Variants in SAMSN1 observed in about 807,000 individuals in gnomAD.
The protein encoded by SAMSN1 is SAM domain, SH3 domain and nuclear localization signals 1.
In SAMSN1, 31 loss-of-function variants were observed where a neutral mutation model predicts 42.0. That is an observed-to-expected ratio of 0.74 (90% CI 0.55 to 1.00). The LOEUF is 1.00. Among genes scored for constraint, SAMSN1 ranks in the 50% least tolerant of loss-of-function variants. The pLI, the probability that SAMSN1 is intolerant of heterozygous loss-of-function variation, is 0.00. For synonymous variants in SAMSN1, 178 were observed against 151.9 expected (o/e 1.17, Z -1.26); for missense variants, 464 against 439.4 (o/e 1.06, Z -0.50).
intron 2 of SAMSN1, among the ~76,000 whole-genome samples, chr21:14,563,660 G>A (rs1013847162): frequency 1.1e-4 from 17 of 152,114 alleles, no homozygotes; most frequent in African/African-American, 4.1e-4. Flanking sequence ...CAGTAACTAA[G>A]CCCTGGGTAC....
intron 5 of SAMSN1, among the ~76,000 whole-genome samples, chr21:14,508,636 A>T (rs1175714994): frequency 6.6e-6 from 1 of 152,228 alleles, no homozygotes; most frequent in Non-Finnish European, 1.5e-5. Flanking sequence ...ACCACTATGG[A>T]AAACAGTGTG....
At chr21:14,628,092 C>A (rs1983230822) in intron 2 of SAMSN1, among the ~76,000 whole-genome samples, 1 of 152,012 alleles carries the variant, frequency 6.6e-6, no homozygotes, top group Non-Finnish European at 1.5e-5. Flanking sequence ...TTAAAAATAT[C>A]AATTAAAACA....
At chr21:14,534,662 C>A (rs748228189) in intron 1 of SAMSN1, among the ~76,000 whole-genome samples, 1 of 152,002 alleles carries the variant, frequency 6.6e-6, no homozygotes, top group Admixed American at 6.6e-5. Context: ...ATTACAGGTG[C>A]CCGCCACCAG....
chr21:14,532,888 T>G (rs191289730), intron 1 of SAMSN1, among the ~76,000 whole-genome samples: 34 of 151,700 alleles, frequency 2.2e-4, no homozygotes, highest in African/African-American at 8.0e-4. Context: ...ATATTTAATA[T>G]TTTATTACTT....
chr21:14,492,190 A>T (rs1986720168), intron 7 of SAMSN1, among the ~76,000 whole-genome samples: 1 of 152,200 alleles, frequency 6.6e-6, no homozygotes, highest in East Asian at 1.9e-4. Flanking sequence ...CTGGATACAA[A>T]AGTGTGCATA....
chr21:14,540,305 A>G (rs553419592), intron 1 of SAMSN1, among the ~76,000 whole-genome samples: 5 of 152,346 alleles, frequency 3.3e-5, no homozygotes, highest in Non-Finnish European at 7.3e-5. Flanking sequence ...ATCTAATTGA[A>G]CTAAAGAGCT....
At chr21:14,496,435 T>G (rs1375217580) in intron 7 of SAMSN1, 1 of 152,182 alleles carries the variant, frequency 6.6e-6, no homozygotes, top group East Asian at 1.9e-4. Flanking sequence ...CATTTACAAG[T>G]GTTCAAAAAA....
intron 5 of SAMSN1, among the ~76,000 whole-genome samples, chr21:14,604,905 A>C (rs74713515): frequency 0.026 from 3,987 of 152,332 alleles, 107 homozygotes; most frequent in South Asian, 0.081. Flanking sequence ...AGTTCCCCAA[A>C]TGAATTACTG....
At chr21:14,558,395 C>T (rs915113875) in intron 2 of SAMSN1, among the ~76,000 whole-genome samples, 1 of 151,972 alleles carries the variant, frequency 6.6e-6, no homozygotes, top group African/African-American at 2.4e-5. Flanking sequence ...AAAACACTTT[C>T]AGCTGGGCGC....
At chr21:14,561,047 G>C (rs913094018) in intron 2 of SAMSN1, among the ~76,000 whole-genome samples, 1 of 152,050 alleles carries the variant, frequency 6.6e-6, no homozygotes, top group Non-Finnish European at 1.5e-5. Context: ...ACTGCTCAGG[G>C]GTCATGTAGC....
chr21:14,543,873 G>C (rs1403013058), intron 1 of SAMSN1, among the ~76,000 whole-genome samples: 3 of 152,108 alleles, frequency 2.0e-5, no homozygotes, highest in Non-Finnish European at 4.4e-5. Flanking sequence ...CTAATATCTG[G>C]TATGTAGTTA....
At chr21:14,490,787 T>C (rs963653238) in intron 7 of SAMSN1, among the ~76,000 whole-genome samples, 1 of 152,304 alleles carries the variant, frequency 6.6e-6, no homozygotes, top group African/African-American at 2.4e-5. Context: ...TCCTCTTGCA[T>C]ATCTCTTTTT....
chr21:14,510,131 C>T (rs1987617278), intron 5 of SAMSN1, among the ~76,000 whole-genome samples, 179 bp downstream of exon 5: 1 of 149,398 alleles, frequency 6.7e-6, no homozygotes, highest in Admixed American at 6.6e-5. Flanking sequence ...AGAGTGACTC[C>T]GTCTCAAAAA....
intron 2 of SAMSN1, among the ~76,000 whole-genome samples, chr21:14,634,161 T>G (rs143135032): frequency 6.6e-6 from 1 of 150,490 alleles, no homozygotes. Context: ...AAAAATTAAC[T>G]CAAGATGGAT....
At chr21:14,545,858 G>A (rs191873394) in intron 1 of SAMSN1, among the ~76,000 whole-genome samples, 1 of 152,196 alleles carries the variant, frequency 6.6e-6, no homozygotes, top group African/African-American at 2.4e-5. Flanking sequence ...TTCAATAGAC[G>A]TTGACAATCT....
chr21:14,578,450 G>A (rs1399055523), intron 2 of SAMSN1, among the ~76,000 whole-genome samples: 1 of 151,796 alleles, frequency 6.6e-6, no homozygotes, highest in Non-Finnish European at 1.5e-5. Flanking sequence ...TAGAATCAAA[G>A]ACACCAAGCA....
At chr21:14,639,370 G>A (rs1314416402) in intron 2 of SAMSN1, among the ~76,000 whole-genome samples, 1 of 152,118 alleles carries the variant, frequency 6.6e-6, no homozygotes, top group African/African-American at 2.4e-5. Context: ...TCACTCCATG[G>A]CAGAAAGCAA....
intron 2 of SAMSN1, among the ~76,000 whole-genome samples, chr21:14,557,149 T>C (rs1438350128): frequency 6.6e-6 from 1 of 152,134 alleles, no homozygotes; most frequent in Non-Finnish European, 1.5e-5. Context: ...GTTCTACCCA[T>C]CCACGGAGAA....
intron 5 of SAMSN1, among the ~76,000 whole-genome samples, chr21:14,507,244 G>A (rs1482118661): frequency 6.6e-6 from 1 of 152,296 alleles, no homozygotes. Flanking sequence ...TGAAGATGAA[G>A]TCAAACTGTC....
Sources: gnomAD v4.1 joint callset for allele counts (sites outside exome capture counted in the v4.1 genomes callset) on GRCh38, gnomAD v4.1.1 for gene constraint, MANE v1.5 for transcripts, NCBI Gene and HGNC (gene_info 2026-07-23, HGNC 2026-07-21) for gene names.